The following GPC6 variants were observed in gnomAD, a reference collection of about 807,000 sequenced individuals.
GPC6 encodes glypican 6.
In GPC6, 14 loss-of-function variants were observed where a neutral mutation model predicts 55.2. The observed-to-expected ratio is 0.25, with a 90% confidence interval of 0.17 to 0.40. The LOEUF is 0.40. Among genes scored for constraint, GPC6 ranks in the 10% least tolerant of loss-of-function variants. GPC6 has a pLI of 1.00. For synonymous variants in GPC6, 278 were observed against 259.6 expected, an observed-to-expected ratio of 1.07 and a Z score of -0.68; for missense variants, 641 against 708.5, an observed-to-expected ratio of 0.90 and a Z score of 1.08.
intron 1 of GPC6, among the ~76,000 whole-genome samples, chr13:93,383,375 C>A (rs1332289256): frequency 6.6e-6 from 1 of 152,110 alleles, no homozygotes; most frequent in African/African-American, 2.4e-5. Context: ...CCACACCCAG[C>A]TCATTTTTTA....
At chr13:93,793,921 A>G (rs1390869193) in intron 2 of GPC6, among the ~76,000 whole-genome samples, 1 of 152,202 alleles carries the variant, frequency 6.6e-6, no homozygotes, top group Non-Finnish European at 1.5e-5. Flanking sequence ...AATACTGGGT[A>G]ATATAAAAAC....
At chr13:93,961,534 G>A (rs1200167491) in intron 3 of GPC6, among the ~76,000 whole-genome samples, 3 of 152,114 alleles carry the variant, frequency 2.0e-5, no homozygotes, top group Non-Finnish European at 4.4e-5. Context: ...ATTATTTATT[G>A]TTATATTGTT....
chr13:93,222,243 C>T (rs1010251947), upstream of GPC6, among the ~76,000 whole-genome samples: 45 of 152,164 alleles, frequency 3.0e-4, no homozygotes, highest in African/African-American at 1.1e-3. Flanking sequence ...TAACCAAGGA[C>T]TCATCTTTAC....
At chr13:93,552,480 G>GTC (rs61674043) in intron 2 of GPC6, among the ~76,000 whole-genome samples, 2,615 of 146,864 alleles carry the variant, frequency 0.018, 26 homozygotes, top group Middle Eastern at 0.045. Context: ...CTGTCTCTCT[G>GTC]TCTCTCTCTC....
chr13:93,347,864 A>G (rs898830615), intron 1 of GPC6, among the ~76,000 whole-genome samples: 3 of 152,198 alleles, frequency 2.0e-5, no homozygotes, highest in Non-Finnish European at 2.9e-5. Flanking sequence ...CAGTGTTTTT[A>G]TGAAACATGA....
intron 1 of GPC6, among the ~76,000 whole-genome samples, chr13:93,522,011 A>G (rs1230043766): frequency 1.3e-5 from 2 of 151,992 alleles, no homozygotes; most frequent in African/African-American, 4.8e-5. Flanking sequence ...ATAAGTATCA[A>G]TTACTTTCTA....
chr13:94,067,470 G>C (rs1421424103), intron 4 of GPC6, among the ~76,000 whole-genome samples: 1 of 142,660 alleles, frequency 7.0e-6, no homozygotes, highest in East Asian at 2.0e-4. Context: ...GCCTCTCTCT[G>C]TCTGTCTGTC....
chr13:94,206,974 CA>C (rs1434876316), intron 4 of GPC6, among the ~76,000 whole-genome samples: 1 of 152,176 alleles, frequency 6.6e-6, no homozygotes, highest in Non-Finnish European at 1.5e-5. Context: ...CTCACCAAGC[CA>C]GTATTTCTTT....
intron 6 of GPC6, among the ~76,000 whole-genome samples, chr13:94,337,447 C>CTT (rs61307240): frequency 2.2e-4 from 33 of 149,144 alleles, no homozygotes; most frequent in Middle Eastern, 3.5e-3. Flanking sequence ...CATTTTTTTT[C>CTT]TTTTTTTTTT....
intron 1 of GPC6, among the ~76,000 whole-genome samples, chr13:93,505,436 C>T (rs1308887644): frequency 1.3e-5 from 2 of 151,966 alleles, no homozygotes; most frequent in Non-Finnish European, 2.9e-5. Flanking sequence ...CACGTGCACA[C>T]ACACACACAC....
rs1877128589 is a variant in GPC6 at position 93,585,114 on chromosome 13, A to G, written c.319+39693A>G. Reference sequence around the variant, plus strand: ...CATCCAAATGCTGGTTCGTGCTGCTAGGAAAACATTTTCTTGTTGTGACAA... The same window carrying G: ...CATCCAAATGCTGGTTCGTGCTGCTGGGAAAACATTTTCTTGTTGTGACAA... On this transcript the variant is annotated intron_variant, in intron 2 of 8. Coordinates refer to ENST00000377047, the MANE Select transcript of GPC6 (RefSeq NM_005708.5). Among the ~76,000 whole-genome samples, 4 of 152,214 alleles carry G rather than the reference A, an allele frequency of 2.6e-5. No homozygotes were observed. The South Asian group carries it at 8.3e-4, about 31-fold the overall frequency.
intron 4 of GPC6, among the ~76,000 whole-genome samples, chr13:94,205,281 G>T (rs909918291): frequency 6.6e-6 from 1 of 152,134 alleles, no homozygotes; most frequent in Non-Finnish European, 1.5e-5. Context: ...TTGCACTTGA[G>T]GTCTCCAGGC....
intron 1 of GPC6, among the ~76,000 whole-genome samples, chr13:93,342,195 G>T (rs554196523): frequency 6.6e-6 from 1 of 152,156 alleles, no homozygotes; most frequent in African/African-American, 2.4e-5. Flanking sequence ...TTTGATGTAG[G>T]TTCTTAGGGA....
At chr13:94,278,302 G>A (rs983948267) in intron 4 of GPC6, among the ~76,000 whole-genome samples, 1 of 152,194 alleles carries the variant, frequency 6.6e-6, no homozygotes, top group Non-Finnish European at 1.5e-5. Flanking sequence ...CTGAGACTTT[G>A]CTCAAGTTGC....
At chr13:93,254,168 A>G (rs879390576) in intron 1 of GPC6, among the ~76,000 whole-genome samples, 6 of 152,074 alleles carry the variant, frequency 3.9e-5, no homozygotes, top group Admixed American at 1.3e-4. Flanking sequence ...ACAAAAAACA[A>G]AATCACAGTT....
chr13:94,087,050 A>C (rs1222138432), intron 4 of GPC6, among the ~76,000 whole-genome samples: 1 of 152,200 alleles, frequency 6.6e-6, no homozygotes, highest in African/African-American at 2.4e-5. Flanking sequence ...CTAGACAAAG[A>C]GGTAAGATTT....
intron 3 of GPC6, among the ~76,000 whole-genome samples, chr13:93,834,587 T>C (rs1337416412): frequency 6.6e-6 from 1 of 152,126 alleles, no homozygotes; most frequent in African/African-American, 2.4e-5. Flanking sequence ...TGTGTGTGTG[T>C]GTGTGCATGC....
intron 1 of GPC6, chr13:93,450,616 GAGATATAAT>G (rs1382259326): frequency 1.1e-5 from 3 of 270,832 alleles, no homozygotes; most frequent in African/African-American, 6.9e-5. Flanking sequence ...TTGCATAGAA[GAGATATAAT>G]AGCTCCCTCA....
intron 1 of GPC6, among the ~76,000 whole-genome samples, chr13:93,240,842 A>T (rs1370847216): frequency 6.6e-6 from 1 of 152,138 alleles, no homozygotes; most frequent in Non-Finnish European, 1.5e-5. Flanking sequence ...TAGTGGTGAC[A>T]GATTCTCTCC....
Sources: allele counts gnomAD v4.1 joint callset (sites outside exome capture counted in the v4.1 genomes callset), GRCh38; gene constraint gnomAD v4.1.1; transcripts MANE v1.5; gene names NCBI Gene and HGNC (gene_info 2026-07-23, HGNC 2026-07-21).